Variants in PCDH15 observed in about 807,000 individuals in gnomAD.
PCDH15 encodes the protein protocadherin-15.
PCDH15 carries 129 observed loss-of-function variants against 178.5 expected under a neutral mutation model. The observed-to-expected ratio is 0.72, with a 90% CI of 0.63 to 0.84. The LOEUF is 0.84. Ranked by LOEUF, PCDH15 falls within the 40% of genes least tolerant of loss-of-function variation. PCDH15 has a pLI of 0.00. For synonymous variants in PCDH15, 800 were observed against 732.0 expected (o/e 1.09, Z -1.50); for missense variants, 2,230 against 2,099.9 (o/e 1.06, Z -1.21).
intron 2 of PCDH15, among the ~76,000 whole-genome samples, chr10:55,328,540 T>C (rs1844097687): frequency 6.6e-6 from 1 of 151,760 alleles, no homozygotes; most frequent in Non-Finnish European, 1.5e-5. Flanking sequence ...CGCCATTATA[T>C]ATACAGTCCA....
intron 1 of PCDH15, among the ~76,000 whole-genome samples, chr10:54,687,564 T>C (rs934696826): frequency 2.0e-5 from 3 of 152,146 alleles, no homozygotes; most frequent in Non-Finnish European, 4.4e-5. Flanking sequence ...TCTGTCCTTG[T>C]TGAATCCAGT....
intron 3 of PCDH15, among the ~76,000 whole-genome samples, chr10:54,388,516 G>C (rs1034519512): frequency 2.0e-5 from 3 of 152,014 alleles, no homozygotes; most frequent in Non-Finnish European, 4.4e-5. Context: ...TAAAGCATAC[G>C]CCACATACTG....
chr10:54,200,711 C>G (rs1384216415), intron 10 of PCDH15, among the ~76,000 whole-genome samples: 1 of 152,132 alleles, frequency 6.6e-6, no homozygotes, highest in Non-Finnish European at 1.5e-5. Flanking sequence ...TTCACGGCAA[C>G]AGCTTCTCGG....
chr10:54,990,689 T>C lies in PCDH15; in HGVS notation c.-79-93189A>G, dbSNP rs544465031. Among the ~76,000 whole-genome samples the C allele has an allele frequency of 3.3e-5, 5 of 152,306 alleles. No homozygotes were observed. In the South Asian group the frequency reaches 1.0e-3, roughly 32 times the overall value. On this transcript the variant is annotated intron_variant, in intron 2 of 5. Transcript: ENST00000458638. ...ATTCTGAGATGACCAACAAGATGTT[T>C]ATGTTCATATCTGTTGCCATTTTAG...
intron 1 of PCDH15, among the ~76,000 whole-genome samples, chr10:54,770,167 T>C (rs1445605319): frequency 6.6e-6 from 1 of 152,132 alleles, no homozygotes; most frequent in Non-Finnish European, 1.5e-5. Flanking sequence ...AAAATTTGAC[T>C]AGGGCATATG....
intron 1 of PCDH15, among the ~76,000 whole-genome samples, chr10:55,220,061 T>G (rs1396190605): frequency 6.6e-6 from 1 of 152,032 alleles, no homozygotes; most frequent in Non-Finnish European, 1.5e-5. Context: ...TATTATTTTA[T>G]TTCTCTATTT....
chr10:55,066,068 A>T (rs1045692421), intron 2 of PCDH15, among the ~76,000 whole-genome samples: 1 of 151,476 alleles, frequency 6.6e-6, no homozygotes, highest in African/African-American at 2.4e-5. Context: ...TATGTCAGGA[A>T]TTTTTTTTGC....
intron 2 of PCDH15, among the ~76,000 whole-genome samples, chr10:55,025,898 A>G (rs575423760): frequency 3.3e-5 from 5 of 152,054 alleles, no homozygotes; most frequent in African/African-American, 4.8e-5. Flanking sequence ...AGTAAAGATT[A>G]TAAGATTACA....
intron 3 of PCDH15, among the ~76,000 whole-genome samples, chr10:54,875,574 A>C (rs1377930242): frequency 2.6e-5 from 4 of 152,210 alleles, no homozygotes; most frequent in Non-Finnish European, 5.9e-5. Context: ...TCAAAGTGTT[A>C]CTCTAGTAAA....
In PCDH15 at chr10:54,162,987, T is replaced by C. The variant is rs116412441; in HGVS notation, c.1591-9694A>G. On this transcript the variant is annotated intron_variant, in intron 13 of 37. Coordinates refer to ENST00000644397, the MANE Select transcript of PCDH15 (RefSeq NM_001384140.1). Reference sequence around the variant, plus strand: ...GGGATGAAATATAAACAAACGTTTATGGAATCAGTATTGTAAACAAGAAGG... The same window carrying C: ...GGGATGAAATATAAACAAACGTTTACGGAATCAGTATTGTAAACAAGAAGG... Among the ~76,000 whole-genome samples, 671 of 152,172 alleles carry C rather than the reference T, an allele frequency of 4.4e-3. 5 individuals carry two copies. Among genetic ancestry groups the C allele is most frequent in the African/African-American group, 0.013 (545 of 41,550 alleles).
intron 2 of PCDH15, among the ~76,000 whole-genome samples, chr10:54,656,872 A>G (rs567984186): frequency 5.5e-4 from 83 of 152,226 alleles, no homozygotes; most frequent in Admixed American, 1.2e-3. Context: ...TGCTCCTCCC[A>G]TCTACTCTTG....
At chr10:55,588,119 G>T (rs1842764520) in intron 2 of PCDH15, among the ~76,000 whole-genome samples, 1 of 152,026 alleles carries the variant, frequency 6.6e-6, no homozygotes. Context: ...GATGTAGGAG[G>T]TGTTACATTA....
chr10:54,106,296 C>A (rs2094916803), intron 15 of PCDH15, among the ~76,000 whole-genome samples: 1 of 152,182 alleles, frequency 6.6e-6, no homozygotes, highest in African/African-American at 2.4e-5. Flanking sequence ...AATATAGCTG[C>A]TAATAACAAG....
intron 1 of PCDH15, among the ~76,000 whole-genome samples, chr10:54,761,455 G>A (rs550154080): frequency 6.6e-6 from 1 of 152,180 alleles, no homozygotes; most frequent in African/African-American, 2.4e-5. Context: ...GCCAAGACAG[G>A]TGGATCACTT....
intron 10 of PCDH15, among the ~76,000 whole-genome samples, chr10:54,210,168 G>C (rs2051260777): frequency 6.6e-6 from 1 of 151,910 alleles, no homozygotes; most frequent in Non-Finnish European, 1.5e-5. Context: ...TTTTTTCTAG[G>C]CATTGAATTT....
rs1842451592 is a variant in PCDH15, at chr10:55,573,913, A to G, written c.-156+53712T>C. ...ACGTTTCTTTTAAATATATTAATATATAAGCTAATATTCATGTTACCACCA... is the reference window on the plus strand; with the variant it reads ...ACGTTTCTTTTAAATATATTAATATGTAAGCTAATATTCATGTTACCACCA... On this transcript the variant is annotated intron_variant, in intron 2 of 5. Transcript: ENST00000613346. Among the ~76,000 whole-genome samples, 10 of 151,874 alleles carry G rather than the reference A, an allele frequency of 6.6e-5. No homozygotes were observed. The South Asian group carries it at 2.1e-3, about 31-fold the overall frequency.
chr10:54,142,648 T>G (rs1250570238), intron 14 of PCDH15, among the ~76,000 whole-genome samples: 1 of 152,180 alleles, frequency 6.6e-6, no homozygotes, highest in Non-Finnish European at 1.5e-5. Flanking sequence ...TAGATAATCG[T>G]AAAAGGCTAT....
chr10:54,231,842 A>C (rs1342675403), intron 9 of PCDH15, among the ~76,000 whole-genome samples: 1 of 152,034 alleles, frequency 6.6e-6, no homozygotes, highest in African/African-American at 2.4e-5. Flanking sequence ...GCTTTGGCTG[A>C]TTTCTCCTTT....
chr10:54,127,601 G>C lies in PCDH15; in HGVS notation c.1917+5274C>G, dbSNP rs532171038. ...GAAATGGAGTGAGGAAGGGCCAGCT[G>C]AGTATTTTGTTTAATTTTTAATTGT... On this transcript the variant is annotated intron_variant, in intron 15 of 37. Coordinates refer to ENST00000644397, the MANE Select transcript of PCDH15 (RefSeq NM_001384140.1). Among the ~76,000 whole-genome samples, 3 of 152,274 alleles carry C rather than the reference G, an allele frequency of 2.0e-5. No individual in the cohort carries two copies. The South Asian group carries it at 6.2e-4, about 32-fold the overall frequency.
Sources: gnomAD v4.1 joint callset for allele counts (sites outside exome capture counted in the v4.1 genomes callset) on GRCh38, gnomAD v4.1.1 for gene constraint, MANE v1.5 for transcripts, NCBI Gene and HGNC (gene_info 2026-07-23, HGNC 2026-07-21) for gene names.